SCD5: variants seen among roughly 807,000 people sequenced by gnomAD.
SCD5 encodes stearoyl-CoA desaturase 5.
A neutral mutation model predicts 30.4 loss-of-function variants in SCD5; 20 were observed. That is an observed-to-expected ratio of 0.66 (90% CI 0.46 to 0.96). The LOEUF (loss-of-function observed/expected upper bound fraction) is 0.96, where lower values mean the gene tolerates loss of function less well. SCD5 is among the 40% of genes least tolerant of loss of function. SCD5 has a pLI of 0.00. For missense variants in SCD5, 381 were observed against 443.3 expected, an observed-to-expected ratio of 0.86 and a Z score of 1.26; for synonymous variants, 173 against 176.4, an observed-to-expected ratio of 0.98 and a Z score of 0.16.
intron 1 of SCD5, among the ~76,000 whole-genome samples, chr4:82,715,236 GAA>G (rs34012730): frequency 2.2e-5 from 3 of 135,106 alleles, no homozygotes; most frequent in African/African-American, 8.3e-5. Context: ...GACTCCGTCT[GAA>G]AAAAAAAAAA....
intron 1 of SCD5, among the ~76,000 whole-genome samples, chr4:82,711,430 C>G (rs1165568844): frequency 6.6e-6 from 1 of 152,176 alleles, no homozygotes; most frequent in Admixed American, 6.5e-5. Flanking sequence ...TACAGAATAT[C>G]CAGGATGGCG....
intron 1 of SCD5, among the ~76,000 whole-genome samples, chr4:82,731,165 C>G (rs372037477): frequency 9.4e-4 from 143 of 152,264 alleles, no homozygotes; most frequent in African/African-American, 3.3e-3. Flanking sequence ...GGGGTAGGGG[C>G]AGAGAGGATA....
intron 1 of SCD5, among the ~76,000 whole-genome samples, chr4:82,786,506 G>T (rs1721990584): frequency 6.6e-6 from 1 of 152,058 alleles, no homozygotes; most frequent in South Asian, 2.1e-4. Flanking sequence ...CTCTATTTAA[G>T]AGGCAATCTT....
chr4:82,655,703 T>C (rs548424491), intron 3 of SCD5, among the ~76,000 whole-genome samples: 2 of 152,332 alleles, frequency 1.3e-5, no homozygotes, highest in African/African-American at 4.8e-5. Context: ...AGGAAACTTT[T>C]TGAGACTGGA....
At chr4:82,641,253 C>CAAAAAAAAAAAAAAAAAAAAA (rs10708492) in intron 3 of SCD5, among the ~76,000 whole-genome samples, 1 of 52,190 alleles carries the variant, frequency 1.9e-5, no homozygotes, top group Non-Finnish European at 3.4e-5. Flanking sequence ...AACTCCATCT[C>CAAAAAAAAAAAAAAAAAAAAA]AAAAAAAAAA....
At chr4:82,783,721 T>C (rs886231961) in intron 1 of SCD5, among the ~76,000 whole-genome samples, 3 of 151,298 alleles carry the variant, frequency 2.0e-5, no homozygotes, top group African/African-American at 7.3e-5. Flanking sequence ...GAGAATCGCT[T>C]GAACCTAGGA....
chr4:82,765,563 T>C (rs977769643), intron 1 of SCD5, among the ~76,000 whole-genome samples: 6 of 152,156 alleles, frequency 3.9e-5, no homozygotes, highest in Admixed American at 2.6e-4. Context: ...AAATGCTATA[T>C]AAATAATTGT....
chr4:82,662,785 G>C (rs1728043392), intron 3 of SCD5, among the ~76,000 whole-genome samples: 1 of 150,748 alleles, frequency 6.6e-6, no homozygotes, highest in Non-Finnish European at 1.5e-5. Flanking sequence ...TCTTGAACCT[G>C]GGAGACGGAG....
At chr4:82,788,285 T>C (rs1056273447) in intron 1 of SCD5, among the ~76,000 whole-genome samples, 7 of 152,212 alleles carry the variant, frequency 4.6e-5, no homozygotes, top group Non-Finnish European at 1.0e-4. Context: ...CCTCAACAGA[T>C]GAAGAAAGTG....
At chr4:82,749,801 T>C (rs976342474) in intron 1 of SCD5, among the ~76,000 whole-genome samples, 2 of 152,242 alleles carry the variant, frequency 1.3e-5, no homozygotes, top group African/African-American at 2.4e-5. Flanking sequence ...TTAGAAGTCA[T>C]TAAAGAACTA....
intron 1 of SCD5, among the ~76,000 whole-genome samples, chr4:82,760,912 C>T (rs1721350833): frequency 6.6e-6 from 1 of 152,194 alleles, no homozygotes; most frequent in East Asian, 1.9e-4. Flanking sequence ...AACACAGTGC[C>T]CTGAGCATAG....
intron 1 of SCD5, among the ~76,000 whole-genome samples, chr4:82,786,609 G>T (rs188876928): frequency 2.0e-5 from 3 of 152,056 alleles, no homozygotes; most frequent in Admixed American, 1.3e-4. Flanking sequence ...AGACCAGCCT[G>T]GCCAACATGG....
At chr4:82,744,999 A>G (rs1720952022) in intron 1 of SCD5, among the ~76,000 whole-genome samples, 1 of 152,204 alleles carries the variant, frequency 6.6e-6, no homozygotes, top group Admixed American at 6.5e-5. Flanking sequence ...GAGAAAAAAC[A>G]GGGGTATTGA....
chr4:82,639,880 G>A (rs771667088), intron 3 of SCD5, among the ~76,000 whole-genome samples: 1 of 152,184 alleles, frequency 6.6e-6, no homozygotes, highest in Non-Finnish European at 1.5e-5. Context: ...GTCCTGCTCT[G>A]AGCCACTGTC....
intron 2 of SCD5, 62 bp downstream of exon 2, chr4:82,705,221 C>A (rs923369399): frequency 1.3e-6 from 2 of 1,587,686 alleles, no homozygotes; most frequent in Admixed American, 1.7e-5. Context: ...CCATCTTTCC[C>A]CTCCTCCCAT....
chr4:82,671,328 G>A (rs1249674223), intron 3 of SCD5, among the ~76,000 whole-genome samples: 1 of 152,118 alleles, frequency 6.6e-6, no homozygotes, highest in Non-Finnish European at 1.5e-5. Context: ...GAAACAAACA[G>A]ATCCAGCAGG....
chr4:82,709,456 T>G (rs28531833), intron 1 of SCD5, among the ~76,000 whole-genome samples: 1 of 152,084 alleles, frequency 6.6e-6, no homozygotes, highest in Admixed American at 6.5e-5. Context: ...ACAGAGCAAA[T>G]GAACAGAATA....
intron 1 of SCD5, among the ~76,000 whole-genome samples, chr4:82,716,507 T>A (rs1720231164): frequency 6.6e-6 from 1 of 151,866 alleles, no homozygotes; most frequent in Non-Finnish European, 1.5e-5. Context: ...GATTCAACTG[T>A]GGGCTGAAAA....
intron 4 of SCD5, among the ~76,000 whole-genome samples, chr4:82,635,839 G>A (rs1727417668): frequency 6.6e-6 from 1 of 152,098 alleles, no homozygotes; most frequent in Admixed American, 6.5e-5. Context: ...GCTGACTCCA[G>A]AGGCCTCACT....
Sources: allele counts gnomAD v4.1 joint callset (sites outside exome capture counted in the v4.1 genomes callset), GRCh38; gene constraint gnomAD v4.1.1; transcripts MANE v1.5; gene names NCBI Gene and HGNC (gene_info 2026-07-23, HGNC 2026-07-21).